The following SPOCK3 variants were observed in gnomAD, a reference collection of about 807,000 sequenced individuals.
SPOCK3 encodes SPARC (osteonectin), cwcv and kazal like domains proteoglycan 3, also known as testican-3.
A neutral mutation model predicts 56.6 loss-of-function variants in SPOCK3; 30 were observed. The observed-to-expected ratio is 0.53, with a 90% CI of 0.40 to 0.72. The LOEUF (loss-of-function observed/expected upper bound fraction) is 0.72. Among genes scored for constraint, SPOCK3 ranks in the 30% least tolerant of loss-of-function variants. The pLI is 0.00. For missense variants in SPOCK3, 527 were observed against 530.0 expected, an observed-to-expected ratio of 0.99 and a Z score of 0.06; for synonymous variants, 196 against 183.3, an observed-to-expected ratio of 1.07 and a Z score of -0.56.
intron 3 of SPOCK3, among the ~76,000 whole-genome samples, chr4:167,057,951 C>A (rs553391659): frequency 1.3e-5 from 2 of 152,262 alleles, no homozygotes; most frequent in African/African-American, 4.8e-5. Context: ...TAGACATCTA[C>A]AGAACTCTCC....
chr4:167,222,060 T>C (rs549998427), intron 2 of SPOCK3, among the ~76,000 whole-genome samples: 1 of 152,172 alleles, frequency 6.6e-6, no homozygotes, highest in African/African-American at 2.4e-5. Flanking sequence ...TAACCCAAGG[T>C]TTTTTATTGA....
intron 2 of SPOCK3, among the ~76,000 whole-genome samples, chr4:167,199,217 ATATT>A (rs1405501612): frequency 1.4e-5 from 2 of 144,998 alleles, no homozygotes; most frequent in South Asian, 2.2e-4. Context: ...AATATGCTAA[ATATT>A]TGTTTGTGTG....
At chr4:167,103,926 A>T (rs970167554) in intron 2 of SPOCK3, among the ~76,000 whole-genome samples, 2 of 152,188 alleles carry the variant, frequency 1.3e-5, no homozygotes, top group African/African-American at 2.4e-5. Flanking sequence ...ATAAGGGAAG[A>T]GAACAAGTAT....
intron 3 of SPOCK3, among the ~76,000 whole-genome samples, chr4:167,017,938 TG>T (rs2150156371): frequency 6.6e-6 from 1 of 152,236 alleles, no homozygotes; most frequent in African/African-American, 2.4e-5. Context: ...GTTATCTAAT[TG>T]TTAAATTAGA....
chr4:166,860,802 C>CATATATATATATATATATATATATAT, intron 6 of SPOCK3, among the ~76,000 whole-genome samples: 3,598 of 101,080 alleles, frequency 0.036, 232 homozygotes, highest in Non-Finnish European at 0.054. Context: ...CACACAAATT[C>CATATATATATATATATATATATATAT]ATATATATAT....
intron 7 of SPOCK3, among the ~76,000 whole-genome samples, chr4:166,787,847 A>G (rs1345393162): frequency 1.3e-5 from 2 of 152,202 alleles, no homozygotes; most frequent in Non-Finnish European, 2.9e-5. Flanking sequence ...ATACTGATGC[A>G]ATTGTTAGCA....
chr4:167,098,193 G>T (rs1183732536), intron 2 of SPOCK3, among the ~76,000 whole-genome samples: 14 of 151,870 alleles, frequency 9.2e-5, no homozygotes, highest in Admixed American at 9.2e-4. Context: ...AGTGTTTTTA[G>T]CCATGATTAC....
chr4:166,785,296 G>T (rs1740612433), intron 7 of SPOCK3, among the ~76,000 whole-genome samples: 1 of 151,910 alleles, frequency 6.6e-6, no homozygotes, highest in Admixed American at 6.6e-5. Flanking sequence ...TAAAAATTAG[G>T]TGTCGATTGT....
chr4:167,022,355 G>A (rs904389682), intron 3 of SPOCK3, among the ~76,000 whole-genome samples: 4 of 152,046 alleles, frequency 2.6e-5, no homozygotes, highest in Admixed American at 1.3e-4. Context: ...AAGCCTGACC[G>A]GAGTAAACCA....
At chr4:166,843,542 A>C (rs1002145520) in intron 6 of SPOCK3, among the ~76,000 whole-genome samples, 1 of 152,296 alleles carries the variant, frequency 6.6e-6, no homozygotes, top group Admixed American at 6.5e-5. Flanking sequence ...TTGAAAAAAT[A>C]AGCCACCATG....
chr4:167,047,917 C>T (rs1753866549), intron 3 of SPOCK3, among the ~76,000 whole-genome samples: 1 of 151,990 alleles, frequency 6.6e-6, no homozygotes, highest in Non-Finnish European at 1.5e-5. Context: ...GTGGTGATGT[C>T]CACCTGTAAT....
intron 2 of SPOCK3, among the ~76,000 whole-genome samples, chr4:167,133,493 T>C (rs1762859858): frequency 6.6e-6 from 1 of 152,188 alleles, no homozygotes; most frequent in South Asian, 2.1e-4. Flanking sequence ...AGGAAATGAA[T>C]GCACTGTCCA....
intron 2 of SPOCK3, among the ~76,000 whole-genome samples, chr4:167,170,602 T>G (rs890345164): frequency 6.6e-6 from 1 of 152,152 alleles, no homozygotes; most frequent in African/African-American, 2.4e-5. Context: ...AGTCATAATA[T>G]CCTGCCAAAG....
At position 166,754,639 on chromosome 4, in the gene SPOCK3, T is replaced by C; in HGVS notation, c.800A>G (p.Gln267Arg). The C allele has an allele frequency of 6.2e-7, 1 of 1,613,752 alleles. No homozygotes were observed. Among genetic ancestry groups the C allele is most frequent in the East Asian group, 2.2e-5 (1 of 44,848 alleles). Residue 267 changes from glutamine (Q) to arginine (R), a missense_variant, in exon 8 of 11, where the codon CAG (glutamine) becomes CGG (arginine). Transcript: ENST00000357545. ...AAGGTAAATGCTTCTGAGCTCTGAC[T>C]GGTCCAATAGCAGGTCATAGTTTGT... ...LDTNYDLLLD[Q>R]SELRSIYLDK...
chr4:166,734,723 G>T lies in SPOCK3; in HGVS notation c.*198C>A, dbSNP rs1230469284. On this transcript the variant is annotated 3_prime_UTR_variant, in exon 11 of 11. Transcript: ENST00000357545. ...CATATGTATTTTCTTTTTGTGTAAG[G>T]AATATAAAAACTCAAAGCAAATGAT... The T allele has an allele frequency of 1.8e-5, 9 of 501,012 alleles. No individual in the cohort carries two copies. The highest frequency in any genetic ancestry group is 3.1e-5 in the Non-Finnish European group (9 of 290,304). 31.0% of individuals were successfully genotyped at this position (501,012 alleles called of 1,614,324 possible).
chr4:166,814,727 T>C (rs1313133047), intron 6 of SPOCK3, among the ~76,000 whole-genome samples: 1 of 152,088 alleles, frequency 6.6e-6, no homozygotes, highest in Non-Finnish European at 1.5e-5. Flanking sequence ...GAGCCACTAC[T>C]GGCTTCTTTC....
intron 2 of SPOCK3, among the ~76,000 whole-genome samples, chr4:167,062,927 T>TA (rs1755753440): frequency 1.3e-5 from 2 of 151,960 alleles, no homozygotes; most frequent in South Asian, 4.1e-4. Context: ...AGCTATAAAG[T>TA]ATCTTACCAG....
chr4:166,942,430 C>T lies in SPOCK3; in HGVS notation c.351-29687G>A, dbSNP rs1421124227. On this transcript the variant is annotated intron_variant, in intron 4 of 10. Coordinates refer to ENST00000357545, the MANE Select transcript of SPOCK3 (RefSeq NM_001040159.2). ...TTCATCGTGATGGCCAGGATGGTCT[C>T]GATCTCCTGACCTTGTGATCTACCT... 1.2e-4 allele frequency among the ~76,000 whole-genome samples: 18 copies of T among 148,306 alleles called. 1 individual carries two copies. Among genetic ancestry groups the T allele is most frequent in the Non-Finnish European group, 1.9e-4 (13 of 67,528 alleles).
intron 2 of SPOCK3, among the ~76,000 whole-genome samples, chr4:167,161,164 C>T (rs982343891): frequency 6.6e-6 from 1 of 152,056 alleles, no homozygotes; most frequent in African/African-American, 2.4e-5. Context: ...GGCTAATATC[C>T]CGAATCTACA....
Sources: gnomAD v4.1 joint callset for allele counts (sites outside exome capture counted in the v4.1 genomes callset) on GRCh38, gnomAD v4.1.1 for gene constraint, MANE v1.5 for transcripts, NCBI Gene and HGNC (gene_info 2026-07-23, HGNC 2026-07-21) for gene names.